Variants in TRIM11 observed in about 807,000 individuals in gnomAD.
The protein encoded by TRIM11 is E3 ubiquitin-protein ligase TRIM11.
A neutral mutation model predicts 33.4 loss-of-function variants in TRIM11; 15 were observed. That is an observed-to-expected ratio of 0.45 (90% CI 0.30 to 0.69). TRIM11 has a LOEUF of 0.69. Among genes scored for constraint, TRIM11 ranks in the 30% least tolerant of loss-of-function variants. The probability of loss-of-function intolerance (pLI) is 0.08; values close to 1 mark genes in which losing one functional copy is unlikely to be tolerated. For missense variants in TRIM11, 499 were observed against 667.6 expected (o/e 0.75, Z 2.78); for synonymous variants, 281 against 302.6 (o/e 0.93, Z 0.74).
At chr1:228,404,048 T>A (rs919870528) in intron 1 of TRIM11, 1 of 152,266 alleles carries the variant, frequency 6.6e-6, no homozygotes, top group East Asian at 1.9e-4. Context: ...ATGGCAAAGA[T>A]CTTGCATTTC....
In TRIM11 at chr1:228,406,624, C is replaced by T. The variant is rs1156985042; in HGVS notation, c.-63G>A. 2.9e-6 allele frequency: 4 copies of T among 1,360,332 alleles called. No individual in the cohort carries two copies. The South Asian group carries it at 5.6e-5, about 19-fold the overall frequency. The allele number at this position is 1,360,332 out of a possible 1,614,324, so 84.3% of individuals were successfully genotyped here. On this transcript the variant is annotated 5_prime_UTR_variant, in exon 1 of 6. Transcript: ENST00000284551. This position sits in a 1 kb window ranked among gnomAD's most constrained non-coding sequence, Gnocchi z 8.2. ...GGGCGGCGGCGGGCGGCCTCGGCAG[C>T]TCGCGGGGACGCGGGGTATCCGGGT...
chr1:228,402,962 T>C (rs962385525), intron 1 of TRIM11: 7 of 152,182 alleles, frequency 4.6e-5, no homozygotes, highest in African/African-American at 1.7e-4. Context: ...ACCCACCCTA[T>C]CTTTTCTCCA....
chr1:228,405,225 A>G (rs1301254201), intron 1 of TRIM11: 1 of 152,268 alleles, frequency 6.6e-6, no homozygotes, highest in Non-Finnish European at 1.5e-5. Context: ...CCTTTCTGCT[A>G]AAATCCAAAG....
chr1:228,406,638 G>A lies in TRIM11; in HGVS notation c.-77C>T, dbSNP rs1656428722. The A allele has an allele frequency of 1.5e-6, 2 of 1,315,218 alleles. No individual in the cohort carries two copies. The highest frequency in any genetic ancestry group is 3.8e-5 in the Admixed American group (1 of 26,660). The allele number at this position is 1,315,218 out of a possible 1,614,324, so 81.5% of individuals were successfully genotyped here. A position where few individuals can be genotyped will look rare whatever the true frequency, so the allele number is the denominator to read the frequency against. On this transcript the variant is annotated 5_prime_UTR_variant, in exon 1 of 6. Coordinates refer to ENST00000284551, the MANE Select transcript of TRIM11 (RefSeq NM_145214.3). The surrounding 1 kb of genome is among the most constrained non-coding windows in gnomAD (Gnocchi z 8.2). ...GGCCTCGGCAGCTCGCGGGGACGCG[G>A]GGTATCCGGGTGCGGCGGCGCAGGC...
Position 228,403,367 on chromosome 1 carries a change from T to G in TRIM11, c.409-1206A>C, listed in dbSNP as rs555473680. On this transcript the variant is annotated intron_variant, in intron 1 of 5. Transcript: ENST00000284551. The surrounding 1 kb of genome is among the most constrained non-coding windows in gnomAD (Gnocchi z 4.8). ...AGCAGAGCCAGGACTTCAGCCCAGC[T>G]GCCTGGCTCCAGGTGCTCACTTTAG... The G allele has an allele frequency of 4.6e-5, 7 of 152,404 alleles. No individual in the cohort carries two copies. The East Asian group carries it at 9.6e-4, about 21-fold the overall frequency. The allele number at this position is 152,404 out of a possible 1,614,324, so 9.4% of individuals were successfully genotyped here. A position where few individuals can be genotyped will look rare whatever the true frequency, so the allele number is the denominator to read the frequency against.
Position 228,401,292 on chromosome 1 carries a change from C to T in TRIM11, c.505-98G>A, listed in dbSNP as rs546047788. ...CCAAGCCCACCCAGAGGCCTGGCTG[C>T]ACCCAACCCCACCCCCGGGGCCTGC... On this transcript the variant is annotated intron_variant, in intron 2 of 5. Coordinates refer to ENST00000284551, the MANE Select transcript of TRIM11 (RefSeq NM_145214.3). This position sits in a 1 kb window ranked among gnomAD's most constrained non-coding sequence, Gnocchi z 6.1. The T allele has an allele frequency of 2.9e-6, 4 of 1,400,480 alleles. No individual in the cohort carries two copies. Among genetic ancestry groups the T allele is most frequent in the South Asian group, 1.4e-5 (1 of 70,808 alleles). 86.8% of individuals were successfully genotyped at this position (1,400,480 alleles called of 1,614,324 possible).
chr1:228,401,288 G>C lies in TRIM11; in HGVS notation c.505-94C>G. On this transcript the variant is annotated intron_variant, in intron 2 of 5. Transcript: ENST00000284551. The surrounding 1 kb of genome is among the most constrained non-coding windows in gnomAD (Gnocchi z 6.1). ...GACCCCAAGCCCACCCAGAGGCCTG[G>C]CTGCACCCAACCCCACCCCCGGGGC... 6.9e-7 allele frequency: 1 copy of C among 1,457,258 alleles called. No individual in the cohort carries two copies. The highest frequency in any genetic ancestry group is 1.4e-5 in the South Asian group (1 of 73,498). 90.3% of individuals were successfully genotyped at this position (1,457,258 alleles called of 1,614,324 possible). A position where few individuals can be genotyped will look rare whatever the true frequency, so the allele number is the denominator to read the frequency against.
At position 228,403,632 on chromosome 1, in the gene TRIM11, A is replaced by T. The variant is rs2149094096; in HGVS notation, c.409-1471T>A. On this transcript the variant is annotated intron_variant, in intron 1 of 5. Transcript: ENST00000284551. The surrounding 1 kb of genome is among the most constrained non-coding windows in gnomAD (Gnocchi z 4.8). ...CCCAGTGCCTCTCACTTCTCCCTCA[A>T]TGCCTCAGTCCCTACGGGACATTTT... is the stretch of plus-strand genomic sequence containing the variant. The T allele has an allele frequency of 6.6e-6, 1 of 152,298 alleles. No individual in the cohort carries two copies. The highest frequency in any genetic ancestry group is 1.9e-4 in the East Asian group (1 of 5,170). 9.4% of individuals were successfully genotyped at this position (152,298 alleles called of 1,614,324 possible). A position where few individuals can be genotyped will look rare whatever the true frequency, so the allele number is the denominator to read the frequency against.
At chr1:228,398,704 G>A (rs1010417040) in intron 3 of TRIM11, among the ~76,000 whole-genome samples, 2 of 152,120 alleles carry the variant, frequency 1.3e-5, no homozygotes, top group Non-Finnish European at 1.5e-5. Flanking sequence ...CACAGGGGGA[G>A]TGCGCAGGGT....
Position 228,394,374 on chromosome 1 carries a change from C to G in TRIM11, c.*331G>C, listed in dbSNP as rs1428216502. On this transcript the variant is annotated 3_prime_UTR_variant, in exon 6 of 6. Coordinates refer to ENST00000284551, the MANE Select transcript of TRIM11 (RefSeq NM_145214.3). This position sits in a 1 kb window ranked among gnomAD's most constrained non-coding sequence, Gnocchi z 6.2. Reference sequence around the variant, plus strand: ...CAGCTTAGGTGAACCCTGGATTCTGCAAGCCCCAGTGGAGTTTTCTCAGCT... The same window carrying G: ...CAGCTTAGGTGAACCCTGGATTCTGGAAGCCCCAGTGGAGTTTTCTCAGCT... The G allele has an allele frequency of 5.8e-6, 2 of 342,852 alleles. No individual in the cohort carries two copies. Among genetic ancestry groups the G allele is most frequent in the Non-Finnish European group, 1.1e-5 (2 of 189,032 alleles). The allele number at this position is 342,852 out of a possible 1,614,324, so 21.2% of individuals were successfully genotyped here.
intron 3 of TRIM11, among the ~76,000 whole-genome samples, chr1:228,399,152 A>T (rs889479615): frequency 2.6e-5 from 4 of 152,032 alleles, no homozygotes; most frequent in African/African-American, 4.8e-5. Context: ...GGGTGCTGGG[A>T]ACCCGGGTTG....
Position 228,399,692 on chromosome 1 carries a change from C to T in TRIM11, c.735+1272G>A, listed in dbSNP as rs147936158. ...TAATATTCCTCAGTCTTTCTACAGA[C>T]GCTAGCCGAGCGTCCTTCCCGCTTC... On this transcript the variant is annotated intron_variant, in intron 3 of 5. Transcript: ENST00000284551. Among the ~76,000 whole-genome samples the T allele has an allele frequency of 4.8e-3, 725 of 152,028 alleles. 5 individuals are homozygous for T. The highest frequency in any genetic ancestry group is 0.017 in the African/African-American group (689 of 41,494).
At chr1:228,397,302 G>T in intron 3 of TRIM11, 137 bp from the exon 4 acceptor site, 2 of 977,664 alleles carry the variant, frequency 2.0e-6, no homozygotes, top group Non-Finnish European at 1.5e-6. Flanking sequence ...ACACACAGGG[G>T]GCCATAAACC....
chr1:228,399,012 G>A (rs1574084653), intron 3 of TRIM11, among the ~76,000 whole-genome samples: 1 of 152,064 alleles, frequency 6.6e-6, no homozygotes, highest in East Asian at 1.9e-4. Flanking sequence ...TGCTGAAGGG[G>A]GCAGCCAGGA....
At chr1:228,397,263 C>A in intron 3 of TRIM11, 98 bp from the exon 4 acceptor site, 2 of 1,445,210 alleles carry the variant, frequency 1.4e-6, no homozygotes, top group Non-Finnish European at 1.9e-6. Context: ...GTCCCCCTCT[C>A]CTACATTTGA....
In TRIM11 at chr1:228,402,112, G is replaced by T; in HGVS notation, c.458C>A (p.Ala153Glu). 2 of 1,613,134 alleles carry T rather than the reference G, an allele frequency of 1.2e-6. No homozygotes were observed. The highest frequency in any genetic ancestry group is 1.7e-6 in the Non-Finnish European group (2 of 1,179,520). The change falls in exon 2 of 6, where the codon GCG becomes GAG. Residue 153 changes from alanine to glutamate, a missense_variant. Physicochemically the swap from Ala to Glu is moderately radical, Grantham distance 107. Transcript: ENST00000284551. ...LEHLRKQMQD[A>E]LLFQAQADET... ...ATCCGCCTGGGCTTGGAACAGCAACGCATCCTGCATCTGCTTCCGGAGATG... is the reference window on the plus strand; with the variant it reads ...ATCCGCCTGGGCTTGGAACAGCAACTCATCCTGCATCTGCTTCCGGAGATG...
Position 228,406,736 on chromosome 1 carries a change from A to C in TRIM11, c.-175T>G. 4 of 505,176 alleles carry C rather than the reference A, an allele frequency of 7.9e-6. No individual in the cohort carries two copies. The South Asian group carries it at 2.3e-4, about 30-fold the overall frequency. The allele number at this position is 505,176 out of a possible 1,614,324, so 31.3% of individuals were successfully genotyped here. The stretch of plus-strand genomic sequence containing the variant: ...CCGGGGCGCGGGGACTCCAGGGCGC[A>C]GGACTCTGGGTTTCGGTAGCGCTGG... On this transcript the variant is annotated 5_prime_UTR_variant, in exon 1 of 6. Coordinates refer to ENST00000284551, the MANE Select transcript of TRIM11 (RefSeq NM_145214.3). The surrounding 1 kb of genome is among the most constrained non-coding windows in gnomAD (Gnocchi z 8.2).
At position 228,395,621 on chromosome 1, in the gene TRIM11, A is replaced by C; in HGVS notation, c.860-369T>G. 1 of 181,108 alleles carries C rather than the reference A, an allele frequency of 5.5e-6. No homozygotes were observed. Among genetic ancestry groups the C allele is most frequent in the Non-Finnish European group, 1.1e-5 (1 of 87,784 alleles). The allele number at this position is 181,108 out of a possible 1,614,324, so 11.2% of individuals were successfully genotyped here. A position where few individuals can be genotyped will look rare whatever the true frequency, so the allele number is the denominator to read the frequency against. ...TGCAGCCTTGATCTCCTGGGCTCAAATGATCCTCCCGCCTCAGATCCTCCC... is the reference window on the plus strand; with the variant it reads ...TGCAGCCTTGATCTCCTGGGCTCAACTGATCCTCCCGCCTCAGATCCTCCC... On this transcript the variant is annotated intron_variant, in intron 5 of 5. Coordinates refer to ENST00000284551, the MANE Select transcript of TRIM11 (RefSeq NM_145214.3). This position sits in a 1 kb window ranked among gnomAD's most constrained non-coding sequence, Gnocchi z 4.8.
In TRIM11 at chr1:228,395,315, T is replaced by C. The variant is rs2149089702; in HGVS notation, c.860-63A>G. On this transcript the variant is annotated intron_variant, in intron 5 of 5. Coordinates refer to ENST00000284551, the MANE Select transcript of TRIM11 (RefSeq NM_145214.3). This position sits in a 1 kb window ranked among gnomAD's most constrained non-coding sequence, Gnocchi z 4.8. Reference sequence around the variant, plus strand: ...CAGGCAAGCTGGGGCCATCTGCCCATGTCCTGGGCATGTAGGTACAATCCT... The same window carrying C: ...CAGGCAAGCTGGGGCCATCTGCCCACGTCCTGGGCATGTAGGTACAATCCT... The C allele has an allele frequency of 3.6e-6, 5 of 1,390,382 alleles. No homozygotes were observed. The East Asian group carries it at 1.0e-4, about 29-fold the overall frequency. The allele number at this position is 1,390,382 out of a possible 1,614,324, so 86.1% of individuals were successfully genotyped here.
Sources: gnomAD v4.1 joint callset for allele counts (sites outside exome capture counted in the v4.1 genomes callset) on GRCh38, gnomAD v4.1.1 for gene constraint, Gnocchi (gnomAD v3.1) non-coding constraint, MANE v1.5 for transcripts, NCBI Gene and HGNC (gene_info 2026-07-23, HGNC 2026-07-21) for gene names.